ZNF282: variants seen among roughly 807,000 people sequenced by gnomAD.
ZNF282 encodes HTLV-I U5 repressive element-binding protein 1.
A neutral mutation model predicts 61.9 loss-of-function variants in ZNF282; 30 were observed. The ratio of observed to expected loss-of-function variants is 0.48; its 90% CI spans 0.36 to 0.66. The LOEUF is 0.66. Among genes scored for constraint, ZNF282 ranks in the 30% least tolerant of loss-of-function variants. ZNF282 has a pLI of 0.00. For synonymous variants in ZNF282, 396 were observed against 405.0 expected (o/e 0.98, Z 0.27); for missense variants, 788 against 941.4 (o/e 0.84, Z 2.13).
Position 149,224,625 on chromosome 7 carries a change from C to G in ZNF282, c.1994C>G (p.Pro665Arg). 5 of 1,535,986 alleles carry G rather than the reference C, an allele frequency of 3.3e-6. No individual in the cohort carries two copies. In the Admixed American group the frequency reaches 9.9e-5, roughly 30 times the overall value. Residue 665 changes from proline to arginine, a missense_variant, in exon 8 of 8, where the codon CCG (proline) becomes CGG (arginine). Around this residue, in one of 3 missense-constraint regions of ZNF282, gnomAD observed 559 missense variants for 642.0 expected, o/e 0.87. Coordinates refer to ENST00000610704, the MANE Select transcript of ZNF282 (RefSeq NM_003575.4). ...GPGPGAPRQLPPPPERD is the reference protein window; with the variant it reads ...GPGPGAPRQLRPPPERD ...GGCCCCGGCGCCCCACGGCAGCTCC[C>G]GCCGCCTCCTGAGCGAGACTAGGGC...
Position 149,198,753 on chromosome 7 carries a change from G to A in ZNF282, c.585+1G>A, listed in dbSNP as rs770404501. ...GGGCAGCAAGGGGGAGGCCCCCAAG[G>A]TATGTGGTGGTCCCTGGGGCAGGGA... is the stretch of plus-strand genomic sequence containing the variant. On this transcript the variant is annotated splice_donor_variant, in intron 2 of 7. Transcript: ENST00000610704. LOFTEE classifies it high-confidence loss of function. The surrounding 1 kb of genome is among the most constrained non-coding windows in gnomAD (Gnocchi z 4.3). The A allele has an allele frequency of 6.2e-7, 1 of 1,611,584 alleles. No individual in the cohort carries two copies. The highest frequency in any genetic ancestry group is 8.5e-7 in the Non-Finnish European group (1 of 1,178,802).
intron 3 of ZNF282, 150 bp from the exon 4 acceptor site, chr7:149,207,201 C>CGAGGTTCTTCATA: frequency 1.0e-6 from 1 of 1,000,678 alleles, no homozygotes; most frequent in Non-Finnish European, 1.4e-6. Context: ...GACTCGTTTT[C>CGAGGTTCTTCATA]AGATTACCCG....
intron 7 of ZNF282, among the ~76,000 whole-genome samples, chr7:149,214,281 C>G (rs1796130580): frequency 6.6e-6 from 1 of 152,120 alleles, no homozygotes; most frequent in African/African-American, 2.4e-5. Flanking sequence ...TATAAAGACA[C>G]CAGTCATATT....
In ZNF282 at chr7:149,206,809, C is replaced by G. The variant is rs765398196; in HGVS notation, c.699C>G (p.Thr233=). 3.1e-6 allele frequency: 5 copies of G among 1,614,102 alleles called. No homozygotes were observed. In the South Asian group the frequency reaches 3.3e-5, roughly 11 times the overall value. ...YNNLVKENYK[T]LMSLDAEGSV... ...ACCTTGTTAAGGAGAACTACAAAAC[C>G]CTCATGTCCCTGGGTAAGGACACCT... Residue 233 remains threonine (T), a synonymous_variant, in exon 3 of 8, where the codon ACC becomes ACG. Coordinates refer to ENST00000610704, the MANE Select transcript of ZNF282 (RefSeq NM_003575.4).
At position 149,224,076 on chromosome 7, in the gene ZNF282, G is replaced by C; in HGVS notation, c.1445G>C (p.Gly482Ala). ...TGGGGGDGGG[G>A]GGGAEAGTGA... ...GGCGGCGGGGGCGATGGGGGCGGTG[G>C]GGGCGGCGGCGCGGAGGCGGGGACG... Residue 482 changes from glycine to alanine, a missense_variant, in exon 8 of 8, where the codon GGG (glycine) becomes GCG (alanine). This residue lies in a region of ZNF282 where 559 missense variants were observed against 642.0 expected (regional missense o/e 0.87). Transcript: ENST00000610704. 2.5e-6 allele frequency: 3 copies of C among 1,206,154 alleles called. No homozygotes were observed. Among genetic ancestry groups the C allele is most frequent in the Non-Finnish European group, 3.1e-6 (3 of 972,150 alleles). The allele number at this position is 1,206,154 out of a possible 1,614,324, so 74.7% of individuals were successfully genotyped here.
In ZNF282 at chr7:149,210,719, C is replaced by A; in HGVS notation, c.952+15C>A. ...ATCCATTACCGGTGAGTGAGCCAAG[C>A]AGCCGTCCACACCAGGGAGGGGAGG... On this transcript the variant is annotated intron_variant, in intron 5 of 7. Coordinates refer to ENST00000610704, the MANE Select transcript of ZNF282 (RefSeq NM_003575.4). 2 of 1,567,300 alleles carry A rather than the reference C, an allele frequency of 1.3e-6. No individual in the cohort carries two copies. The highest frequency in any genetic ancestry group is 1.2e-5 in the South Asian group (1 of 83,322).
chr7:149,212,674 G>A (rs965789355), intron 6 of ZNF282, among the ~76,000 whole-genome samples: 16 of 152,238 alleles, frequency 1.1e-4, no homozygotes, highest in South Asian at 6.2e-4. Flanking sequence ...TCCGTTTCCC[G>A]GGTTTAAGCG....
At chr7:149,216,129 C>T (rs2129523571) in intron 7 of ZNF282, among the ~76,000 whole-genome samples, 1 of 152,282 alleles carries the variant, frequency 6.6e-6, no homozygotes, top group Admixed American at 6.5e-5. Context: ...GACAGGGTCT[C>T]ACTCTGCCGC....
intron 4 of ZNF282, among the ~76,000 whole-genome samples, chr7:149,208,392 A>G (rs2527399): frequency 0.049 from 7,402 of 152,036 alleles, 237 homozygotes; most frequent in Middle Eastern, 0.14. Context: ...TAGTAGGGAC[A>G]GGGTTTCACC....
chr7:149,200,271 G>T (rs770527342), intron 2 of ZNF282, among the ~76,000 whole-genome samples: 32 of 152,162 alleles, frequency 2.1e-4, no homozygotes, highest in Non-Finnish European at 2.9e-5. Flanking sequence ...AACGCACTCT[G>T]ATCAGGCCTT....
chr7:149,211,274 G>A lies in ZNF282; in HGVS notation c.952+570G>A, dbSNP rs377083961. ...AACAGGACCTGTAAGGGTGTGTGTGGAAAAGAGAGATTTATTTTATTTTAA... is the reference window on the plus strand; with the variant it reads ...AACAGGACCTGTAAGGGTGTGTGTGAAAAAGAGAGATTTATTTTATTTTAA... On this transcript the variant is annotated intron_variant, in intron 5 of 7. Transcript: ENST00000610704. Among the ~76,000 whole-genome samples the A allele has an allele frequency of 1.8e-4, 28 of 152,050 alleles. No homozygotes were observed. In the East Asian group the frequency reaches 5.4e-3, roughly 29 times the overall value.
At chr7:149,223,495 CTTG>C (rs1413686947) in intron 7 of ZNF282, among the ~76,000 whole-genome samples, 1 of 152,162 alleles carries the variant, frequency 6.6e-6, no homozygotes. Flanking sequence ...GCAAGTAAGT[CTTG>C]TTGTTTCTGG....
Position 149,195,546 on chromosome 7 carries a change from C to T in ZNF282, c.-44C>T. On this transcript the variant is annotated 5_prime_UTR_variant, in exon 1 of 8. Coordinates refer to ENST00000610704, the MANE Select transcript of ZNF282 (RefSeq NM_003575.4). ...AGGGGGAAGGCGCCTGGAAAACGTTCTTCTTCTCCCTGGCCGACCCGAGCG... is the reference window on the plus strand; with the variant it reads ...AGGGGGAAGGCGCCTGGAAAACGTTTTTCTTCTCCCTGGCCGACCCGAGCG... The T allele has an allele frequency of 6.3e-7, 1 of 1,598,140 alleles. No homozygotes were observed. The highest frequency in any genetic ancestry group is 8.5e-7 in the Non-Finnish European group (1 of 1,174,098).
rs780379063 is a variant in ZNF282 at position 149,198,554 on chromosome 7, C to T, written c.387C>T (p.Ala129=). The change falls in exon 2 of 8, where the codon GCC becomes GCT. Residue 129 remains alanine (A), a synonymous_variant. Coordinates refer to ENST00000610704, the MANE Select transcript of ZNF282 (RefSeq NM_003575.4). This position sits in a 1 kb window ranked among gnomAD's most constrained non-coding sequence, Gnocchi z 4.3. The part of the protein sequence containing the change: ...LLNLEGRTGT[A]EKKLADCEKT... ...ACCTGGAGGGGCGCACGGGGACAGC[C>T]GAGAAGAAGCTGGCCGACTGTGAAA... The T allele has an allele frequency of 3.0e-5, 49 of 1,614,014 alleles. No homozygotes were observed. Among genetic ancestry groups the T allele is most frequent in the Admixed American group, 1.0e-4 (6 of 59,996 alleles).
At chr7:149,217,812 G>C (rs914674671) in intron 7 of ZNF282, among the ~76,000 whole-genome samples, 2 of 152,138 alleles carry the variant, frequency 1.3e-5, no homozygotes, top group Admixed American at 6.5e-5. Flanking sequence ...GGGGTTGCAG[G>C]GGGAAGAGAA....
chr7:149,222,039 G>A (rs1311329010), intron 7 of ZNF282, among the ~76,000 whole-genome samples: 2 of 147,754 alleles, frequency 1.4e-5, no homozygotes, highest in African/African-American at 5.0e-5. Flanking sequence ...CCAGGGAGGT[G>A]ATGGAGCGTG....
intron 2 of ZNF282, among the ~76,000 whole-genome samples, chr7:149,201,186 C>T (rs911878580): frequency 6.6e-6 from 1 of 152,186 alleles, no homozygotes; most frequent in Admixed American, 6.5e-5. Flanking sequence ...TCATACTTGT[C>T]TCCTCTCTTT....
At chr7:149,218,592 A>ACT (rs1796193260) in intron 7 of ZNF282, among the ~76,000 whole-genome samples, 2 of 152,048 alleles carry the variant, frequency 1.3e-5, no homozygotes, top group Admixed American at 1.3e-4. Flanking sequence ...CTGATTTGGG[A>ACT]GTTACAGGTT....
rs1184687080 is a variant in ZNF282, at chr7:149,213,703, T to C, written c.1069T>C (p.Ser357Pro). ...RDIPTDPNSESLISAHDILSW... is the reference protein window; with the variant it reads ...RDIPTDPNSEPLISAHDILSW... The stretch of plus-strand genomic sequence containing the variant: ...CTGCCTTCTTTCCATGACAACAGAG[T>C]CTCTCATCTCAGCACATGACATTTT... The change falls in exon 7 of 8, where the codon TCT (serine) becomes CCT (proline). Residue 357 changes from serine (S) to proline (P), a missense_variant and splice_region_variant. By Grantham distance (74) the Ser-to-Pro change is moderately conservative (BLOSUM62 -1). Coordinates refer to ENST00000610704, the MANE Select transcript of ZNF282 (RefSeq NM_003575.4). The C allele has an allele frequency of 6.2e-7, 1 of 1,607,782 alleles. No individual in the cohort carries two copies. The highest frequency in any genetic ancestry group is 2.2e-5 in the East Asian group (1 of 44,742).
Sources: gnomAD v4.1 joint callset for allele counts (sites outside exome capture counted in the v4.1 genomes callset) on GRCh38, gnomAD v4.1.1 for gene constraint, gnomAD v4.1.1 regional missense constraint, Gnocchi (gnomAD v3.1) non-coding constraint, MANE v1.5 for transcripts, NCBI Gene and HGNC (gene_info 2026-07-23, HGNC 2026-07-21) for gene names.